Variants in DNAJB1 observed in about 807,000 individuals in gnomAD.
DNAJB1 encodes the protein DnaJ heat shock protein family (Hsp40) member B1.
In DNAJB1, 14 loss-of-function variants were observed where a neutral mutation model predicts 24.0. The ratio of observed to expected loss-of-function variants is 0.58; its 90% CI spans 0.39 to 0.91. The LOEUF (loss-of-function observed/expected upper bound fraction) is 0.91. Ranked by LOEUF, DNAJB1 falls within the 40% of genes least tolerant of loss-of-function variation. The pLI, the probability that DNAJB1 is intolerant of heterozygous loss-of-function variation, is 0.00. For missense variants in DNAJB1, 517 were observed against 458.1 expected (o/e 1.13, Z -1.17); for synonymous variants, 262 against 174.4 (o/e 1.50, Z -3.96).
intron 2 of DNAJB1, among the ~76,000 whole-genome samples, chr19:14,523,460 C>T (rs1404015328): frequency 6.6e-6 from 1 of 151,620 alleles, no homozygotes; most frequent in Non-Finnish European, 1.5e-5. Flanking sequence ...ATTATAGGTG[C>T]CTACCACCAC....
intron 1 of DNAJB1, among the ~76,000 whole-genome samples, chr19:14,557,114 C>CTTTATTTAT (rs1555736112): frequency 3.6e-5 from 5 of 140,384 alleles, no homozygotes; most frequent in Admixed American, 7.3e-5. Context: ...TTGGTCTAAT[C>CTTTATTTAT]TTATTTATTT....
chr19:14,554,491 C>T (rs1170535065), upstream of DNAJB1, among the ~76,000 whole-genome samples: 1 of 152,174 alleles, frequency 6.6e-6, no homozygotes, highest in African/African-American at 2.4e-5. Flanking sequence ...ATTGAACCTG[C>T]TTGTTTACAG....
At chr19:14,535,586 A>ATATG (rs1266273826) in intron 1 of DNAJB1, among the ~76,000 whole-genome samples, 35 of 41,072 alleles carry the variant, frequency 8.5e-4, no homozygotes, top group Admixed American at 1.9e-3. Context: ...ATATATATAT[A>ATATG]TATGTATGTA....
At chr19:14,544,085 A>G (rs577344186) in intron 1 of DNAJB1, among the ~76,000 whole-genome samples, 2 of 152,184 alleles carry the variant, frequency 1.3e-5, no homozygotes, top group African/African-American at 2.4e-5. Context: ...GGGGATCCAC[A>G]GAGGACAGAG....
Position 14,516,698 on chromosome 19 carries a change from T to A in DNAJB1, c.560A>T (p.His187Leu). The part of the protein sequence containing the change: ...SGCTKKMKIS[H>L]KRLNPDGKSI... ...CTTTCCGTCGGGGTTTAGCCGCTTG[T>A]GGGAGATTTTCATCTTCTTGGTACA... The change falls in exon 2 of 3, where the codon CAC becomes CTC. Residue 187 changes from histidine (H) to leucine (L), a missense_variant. His to Leu is a moderately conservative substitution (Grantham distance 99). Transcript: ENST00000254322. 6.2e-7 allele frequency: 1 copy of A among 1,614,220 alleles called. No homozygotes were observed.
At chr19:14,529,811 A>G (rs888137067), upstream of DNAJB1, 5 of 1,561,970 alleles carry the variant, frequency 3.2e-6, no homozygotes, top group South Asian at 3.4e-5. Flanking sequence ...TGTGCCCCGA[A>G]GGAAGAGCCA....
intron 1 of DNAJB1, among the ~76,000 whole-genome samples, chr19:14,549,458 G>A (rs944852588): frequency 2.6e-5 from 4 of 151,914 alleles, no homozygotes; most frequent in Non-Finnish European, 4.4e-5. Flanking sequence ...AAGACCTTGT[G>A]ATCTGCCCTC....
chr19:14,556,425 C>CAAAAACAAAAACA (rs1455343160), intron 1 of DNAJB1, among the ~76,000 whole-genome samples: 1 of 150,252 alleles, frequency 6.7e-6, no homozygotes, highest in African/African-American at 2.5e-5. Flanking sequence ...AAAACAAAAA[C>CAAAAACAAAAACA]AAAAAAAACC....
intron 1 of DNAJB1, among the ~76,000 whole-genome samples, chr19:14,547,944 G>C (rs1233294525): frequency 6.6e-6 from 1 of 150,430 alleles, no homozygotes; most frequent in African/African-American, 2.5e-5. Context: ...CCAACCATGT[G>C]TGTGTTTAAT....
upstream of DNAJB1, among the ~76,000 whole-genome samples, chr19:14,552,408 G>A (rs953138915): frequency 1.3e-5 from 2 of 151,832 alleles, no homozygotes; most frequent in African/African-American, 2.4e-5. Flanking sequence ...GGAGCTTTGG[G>A]CCTGAGCAAG....
chr19:14,528,270 C>T (rs567257493), intron 1 of DNAJB1, among the ~76,000 whole-genome samples: 4 of 143,002 alleles, frequency 2.8e-5, no homozygotes, highest in African/African-American at 5.3e-5. Flanking sequence ...TTTTTTGAGA[C>T]GGTCTGTTGC....
chr19:14,550,808 G>A (rs891494763), upstream of DNAJB1, among the ~76,000 whole-genome samples: 3 of 151,866 alleles, frequency 2.0e-5, no homozygotes, highest in Non-Finnish European at 4.4e-5. Context: ...AGCCTCCCCC[G>A]TAGCTGGGAC....
chr19:14,518,971 G>A (rs968478128), upstream of DNAJB1, among the ~76,000 whole-genome samples: 2 of 152,240 alleles, frequency 1.3e-5, no homozygotes, highest in Admixed American at 6.5e-5. Context: ...GGAGCCTCAT[G>A]CCTGTAATCC....
Position 14,515,880 on chromosome 19 carries a change from G to A in DNAJB1, c.*60C>T, listed in dbSNP as rs1393943041. 2 of 1,513,236 alleles carry A rather than the reference G, an allele frequency of 1.3e-6. No homozygotes were observed. The highest frequency in any genetic ancestry group is 1.8e-6 in the Non-Finnish European group (2 of 1,105,722). The allele number at this position is 1,513,236 out of a possible 1,614,324, so 93.7% of individuals were successfully genotyped here. A position where few individuals can be genotyped will look rare whatever the true frequency, so the allele number is the denominator to read the frequency against. On this transcript the variant is annotated 3_prime_UTR_variant, in exon 3 of 3. Coordinates refer to ENST00000254322, the MANE Select transcript of DNAJB1 (RefSeq NM_006145.3). ...TCTCATGGTCCACAACTGGTAGAAA[G>A]GTCCAGAAATCCTTGAGCTCTGGAA... is the stretch of plus-strand genomic sequence containing the variant.
chr19:14,521,715 G>A (rs2072362558), upstream of DNAJB1, among the ~76,000 whole-genome samples: 1 of 152,074 alleles, frequency 6.6e-6, no homozygotes. Flanking sequence ...TCCGCCTCCT[G>A]GGTTCAAGTG....
intron 2 of DNAJB1, among the ~76,000 whole-genome samples, chr19:14,524,506 G>C (rs1222240285): frequency 6.6e-6 from 1 of 152,002 alleles, no homozygotes; most frequent in African/African-American, 2.4e-5. Flanking sequence ...CTGAGAGACA[G>C]TGAGACCCTG....
At chr19:14,558,432 G>GCCGCA (rs1568423667) in intron 1 of DNAJB1, among the ~76,000 whole-genome samples, 1 of 152,120 alleles carries the variant, frequency 6.6e-6, no homozygotes, top group East Asian at 1.9e-4. Context: ...TGCGCTTCAC[G>GCCGCA]CCGCACCGTG....
At chr19:14,517,962 C>T in intron 1 of DNAJB1, 177 bp downstream of exon 1, 2 of 596,090 alleles carry the variant, frequency 3.4e-6, no homozygotes, top group South Asian at 3.3e-5. Flanking sequence ...GCCAAGGCTC[C>T]TCCTCCCACC....
upstream of DNAJB1, among the ~76,000 whole-genome samples, chr19:14,533,290 C>T (rs773611718): frequency 6.6e-6 from 1 of 151,704 alleles, no homozygotes; most frequent in African/African-American, 2.4e-5. Flanking sequence ...TGTGGTGGCG[C>T]ACGCCTGAAA....
Sources: allele counts gnomAD v4.1 joint callset (sites outside exome capture counted in the v4.1 genomes callset), GRCh38; gene constraint gnomAD v4.1.1; transcripts MANE v1.5; gene names NCBI Gene and HGNC (gene_info 2026-07-23, HGNC 2026-07-21).